Variants in EHMT1 observed in about 807,000 individuals in gnomAD.
EHMT1 encodes euchromatic histone lysine methyltransferase 1, also known as histone-lysine N-methyltransferase EHMT1.
A neutral mutation model predicts 147.2 loss-of-function variants in EHMT1; 15 were observed. The observed-to-expected ratio is 0.10, with a 90% CI of 0.07 to 0.16. EHMT1 has a LOEUF of 0.16. EHMT1 is among the 10% of genes least tolerant of loss of function. EHMT1 has a pLI of 1.00. For missense variants in EHMT1, 1,587 were observed against 1,772.4 expected (o/e 0.90, Z 1.88); for synonymous variants, 795 against 709.6 (o/e 1.12, Z -1.91).
rs905899312 is a variant in EHMT1, at chr9:137,834,581, C to T, written c.3716+57C>T. On this transcript the variant is annotated intron_variant, in intron 26 of 26. Transcript: ENST00000460843. ...GCTGCCGGCGGGACGGTTTTAGGAA[C>T]GGGGCTCGCATTGCTTTCCTGGGCT... 2.5e-6 allele frequency: 4 copies of T among 1,604,880 alleles called. No individual in the cohort carries two copies. In the African/African-American group the frequency reaches 4.0e-5, roughly 16 times the overall value.
intron 2 of EHMT1, 94 bp downstream of exon 2, chr9:137,711,124 A>G (rs1944673393): frequency 7.4e-7 from 1 of 1,354,176 alleles, no homozygotes; most frequent in Non-Finnish European, 1.0e-6. Flanking sequence ...CCGTCTTCTG[A>G]CTTTCTTTGC....
At chr9:137,655,453 A>G (rs1260474725) in intron 1 of EHMT1, among the ~76,000 whole-genome samples, 1 of 152,220 alleles carries the variant, frequency 6.6e-6, no homozygotes, top group Non-Finnish European at 1.5e-5. Context: ...AGTTTTCCTT[A>G]ATGAGGAAGA....
intron 25 of EHMT1, 109 bp downstream of exon 25, chr9:137,818,247 A>G: frequency 1.6e-6 from 2 of 1,267,076 alleles, no homozygotes; most frequent in South Asian, 2.4e-5. Context: ...ACTGTTGACA[A>G]GAGTGGGCTT....
At chr9:137,769,736 T>C (rs111475400) in intron 10 of EHMT1, among the ~76,000 whole-genome samples, 38 of 152,340 alleles carry the variant, frequency 2.5e-4, no homozygotes, top group African/African-American at 7.9e-4. Flanking sequence ...TTGGTATTTA[T>C]TTTGTTTAGG....
intron 18 of EHMT1, among the ~76,000 whole-genome samples, chr9:137,805,931 G>T (rs1395769597): frequency 1.3e-5 from 2 of 151,630 alleles, no homozygotes; most frequent in East Asian, 3.9e-4. Flanking sequence ...ATAGTGCTGG[G>T]ATTACAGGTG....
At chr9:137,729,892 TCA>T (rs1375619497) in intron 4 of EHMT1, among the ~76,000 whole-genome samples, 1 of 152,200 alleles carries the variant, frequency 6.6e-6, no homozygotes, top group Non-Finnish European at 1.5e-5. Context: ...CTCTCTAATC[TCA>T]GTGTCCTGTT....
intron 1 of EHMT1, chr9:137,667,116 G>C (rs926030373): frequency 6.6e-6 from 1 of 152,244 alleles, no homozygotes; most frequent in Non-Finnish European, 1.5e-5. Flanking sequence ...CAGTGAGCCC[G>C]GGCAGTGCCA....
At chr9:137,762,564 G>A in intron 9 of EHMT1, 111 bp from the exon 10 acceptor site, 1 of 1,564,000 alleles carries the variant, frequency 6.4e-7, no homozygotes, top group Non-Finnish European at 8.7e-7. Context: ...CAACCGCATT[G>A]CTTTCATTTC....
Position 137,717,097 on chromosome 9 carries a change from C to T in EHMT1, c.557C>T (p.Thr186Ile), listed in dbSNP as rs2135511664. 2 of 1,612,304 alleles carry T rather than the reference C, an allele frequency of 1.2e-6. No individual in the cohort carries two copies. Among genetic ancestry groups the T allele is most frequent in the East Asian group, 2.2e-5 (1 of 44,870 alleles). Residue 186 changes from threonine to isoleucine, a missense_variant, in exon 3 of 27, where the codon ACA (threonine) becomes ATA (isoleucine). Physicochemically the swap from Thr to Ile is moderately conservative, Grantham distance 89. This residue lies in a region of EHMT1 where 810 missense variants were observed against 673.0 expected (regional missense o/e 1.20). Transcript: ENST00000460843. ...PATLGEGSAD[T>I]EDRKLPAPGA... ...ACCCTTGGGGAGGGGAGTGCTGACA[C>T]AGAGGACAGGAAGCTCCCGGCCCCT...
intron 18 of EHMT1, among the ~76,000 whole-genome samples, chr9:137,805,698 C>T (rs541521266): frequency 6.6e-6 from 1 of 151,092 alleles, no homozygotes; most frequent in Non-Finnish European, 1.5e-5. Context: ...AGTCTTGCTC[C>T]GTCGCCCAGG....
In EHMT1 at chr9:137,813,255, A is replaced by G. The variant is rs1954638855; in HGVS notation, c.3035+82A>G. Reference sequence around the variant, plus strand: ...AACTTGCGGTGAAAGCTGCTCCTGAAGCCGAAACATCCCCAGGCTGCAGTC... The same window carrying G: ...AACTTGCGGTGAAAGCTGCTCCTGAGGCCGAAACATCCCCAGGCTGCAGTC... On this transcript the variant is annotated intron_variant, in intron 20 of 26. Transcript: ENST00000460843. This position sits in a 1 kb window ranked among gnomAD's most constrained non-coding sequence, Gnocchi z 4.9. 1.9e-6 allele frequency: 3 copies of G among 1,569,490 alleles called. No individual in the cohort carries two copies. Among genetic ancestry groups the G allele is most frequent in the Admixed American group, 3.7e-5 (2 of 54,422 alleles).
chr9:137,654,095 C>G (rs766337892), intron 1 of EHMT1, among the ~76,000 whole-genome samples: 1 of 152,104 alleles, frequency 6.6e-6, no homozygotes, highest in East Asian at 1.9e-4. Flanking sequence ...AATTAATTGA[C>G]CATAGGCTGG....
At position 137,680,934 on chromosome 9, in the gene EHMT1, G is replaced by C. The variant is rs1036798754; in HGVS notation, c.22-30033G>C. 6.6e-5 allele frequency: 10 copies of C among 152,366 alleles called. No individual in the cohort carries two copies. In the East Asian group the frequency reaches 1.9e-3, roughly 29 times the overall value. 9.4% of individuals were successfully genotyped at this position (152,366 alleles called of 1,614,324 possible). A position where few individuals can be genotyped will look rare whatever the true frequency, so the allele number is the denominator to read the frequency against. On this transcript the variant is annotated intron_variant, in intron 1 of 26. Transcript: ENST00000460843. ...CCCCCAAGGCTCAGGCAAGTGGCCA[G>C]GGTGGATGGGGTCTTGTCTGCATTA...
intron 1 of EHMT1, among the ~76,000 whole-genome samples, chr9:137,620,246 T>G (rs914453323): frequency 2.6e-5 from 4 of 152,182 alleles, no homozygotes; most frequent in Admixed American, 2.6e-4. Context: ...TTAGAAAATT[T>G]CAAGTCACTT....
chr9:137,660,674 CTATT>C (rs1938984547), intron 1 of EHMT1, among the ~76,000 whole-genome samples: 1 of 152,186 alleles, frequency 6.6e-6, no homozygotes, highest in East Asian at 1.9e-4. Context: ...ATATATCTGA[CTATT>C]TGTGAGCACA....
At chr9:137,742,801 A>T (rs1350378674) in intron 4 of EHMT1, among the ~76,000 whole-genome samples, 3 of 152,054 alleles carry the variant, frequency 2.0e-5, no homozygotes, top group Admixed American at 2.0e-4. Context: ...GGTGTTGGGG[A>T]GAGGGCCTAG....
intron 1 of EHMT1, among the ~76,000 whole-genome samples, chr9:137,677,887 T>A (rs1941525357): frequency 6.7e-6 from 1 of 148,644 alleles, no homozygotes; most frequent in Non-Finnish European, 1.5e-5. Context: ...TGAAACCCCG[T>A]CTCGACTAAA....
intron 1 of EHMT1, among the ~76,000 whole-genome samples, chr9:137,671,303 G>T (rs1308957383): frequency 6.6e-6 from 1 of 152,002 alleles, no homozygotes; most frequent in African/African-American, 2.4e-5. Context: ...GTATGTTTTG[G>T]AATATAATAA....
chr9:137,695,589 G>A (rs991301099), intron 1 of EHMT1, among the ~76,000 whole-genome samples: 2 of 152,250 alleles, frequency 1.3e-5, no homozygotes, highest in African/African-American at 4.8e-5. Flanking sequence ...CTCGAACATG[G>A]GGGTGGTGTT....
Sources: allele counts gnomAD v4.1 joint callset (sites outside exome capture counted in the v4.1 genomes callset), GRCh38; gene constraint gnomAD v4.1.1; regional missense constraint gnomAD v4.1.1; non-coding constraint Gnocchi (gnomAD v3.1); transcripts MANE v1.5; gene names NCBI Gene and HGNC (gene_info 2026-07-23, HGNC 2026-07-21).